CNTNAP3B: variants seen among roughly 807,000 people sequenced by gnomAD.
The protein encoded by CNTNAP3B is contactin-associated protein-like 3B.
A neutral mutation model predicts 108.9 loss-of-function variants in CNTNAP3B; 25 were observed. That is an observed-to-expected ratio of 0.23 (90% CI 0.17 to 0.32). CNTNAP3B has a LOEUF of 0.32. Among genes scored for constraint, CNTNAP3B ranks in the 10% least tolerant of loss-of-function variants. CNTNAP3B has a pLI of 1.00. For synonymous variants in CNTNAP3B, 103 were observed against 473.4 expected (o/e 0.22, Z 10.16); for missense variants, 252 against 1,210.4 (o/e 0.21, Z 11.75).
intron 14 of CNTNAP3B, among the ~76,000 whole-genome samples, chr9:41,930,616 G>A (rs1310575303): frequency 2.6e-5 from 4 of 152,374 alleles, no homozygotes; most frequent in South Asian, 4.1e-4. Flanking sequence ...ATTGTCCTGG[G>A]AATTGAGGAC....
intron 3 of CNTNAP3B, among the ~76,000 whole-genome samples, chr9:42,075,238 G>C (rs1161319345): frequency 6.8e-6 from 1 of 146,780 alleles, no homozygotes; most frequent in Non-Finnish European, 1.5e-5. Flanking sequence ...ATTTTAACTT[G>C]ATTACCTCTG....
At chr9:42,128,276 A>T (rs1190561346) in intron 1 of CNTNAP3B, among the ~76,000 whole-genome samples, 1 of 140,228 alleles carries the variant, frequency 7.1e-6, no homozygotes, top group African/African-American at 2.8e-5. Flanking sequence ...TTCTAGAAAT[A>T]AAAGCTTCCT....
At chr9:42,117,080 A>AT (rs1158976023) in intron 1 of CNTNAP3B, among the ~76,000 whole-genome samples, 1 of 138,832 alleles carries the variant, frequency 7.2e-6, no homozygotes, top group African/African-American at 2.9e-5. Flanking sequence ...ATAATGGGAG[A>AT]TTTTAACACA....
chr9:41,923,701 G>A (rs1303612905), intron 16 of CNTNAP3B, among the ~76,000 whole-genome samples: 2 of 152,300 alleles, frequency 1.3e-5, no homozygotes, highest in African/African-American at 2.4e-5. Flanking sequence ...GGCTGAGGTT[G>A]CAGTGAGCCA....
intron 12 of CNTNAP3B, among the ~76,000 whole-genome samples, chr9:41,958,557 G>T (rs1287378239): frequency 6.6e-6 from 1 of 151,874 alleles, no homozygotes; most frequent in Admixed American, 6.6e-5. Flanking sequence ...CCTGTGATTA[G>T]GTCTGAGTCC....
intron 1 of CNTNAP3B, among the ~76,000 whole-genome samples, chr9:42,126,937 T>C (rs1226994977): frequency 7.2e-6 from 1 of 138,332 alleles, no homozygotes; most frequent in Non-Finnish European, 1.5e-5. Context: ...GGGTGGCCAA[T>C]GTGCTTCTGG....
rs1335128675 is a variant in CNTNAP3B at position 41,959,423 on chromosome 9, A to G, written c.1876+1350T>C. Among the ~76,000 whole-genome samples, 14 of 152,404 alleles carry G rather than the reference A, an allele frequency of 9.2e-5. No individual in the cohort carries two copies. In the South Asian group the frequency reaches 2.5e-3, roughly 27 times the overall value. ...GAGACCAGAGTTTAGTGATTCCCCT[A>G]CCATTAGCTAGATTTTGTCAGTAGA... On this transcript the variant is annotated intron_variant, in intron 12 of 23. Transcript: ENST00000377561.
chr9:41,990,887 C>T (rs889067884), intron 8 of CNTNAP3B, among the ~76,000 whole-genome samples: 1 of 139,334 alleles, frequency 7.2e-6, no homozygotes, highest in Non-Finnish European at 1.5e-5. Flanking sequence ...ATTTGCCCAA[C>T]AAAAACAGGC....
At position 42,115,026 on chromosome 9, in the gene CNTNAP3B, C is replaced by T. The variant is rs1282359397; in HGVS notation, c.86-10287G>A. Among the ~76,000 whole-genome samples, 3 of 136,120 alleles carry T rather than the reference C, an allele frequency of 2.2e-5. 1 individual carries two copies. Among genetic ancestry groups the T allele is most frequent in the Admixed American group, 2.2e-4 (3 of 13,678 alleles). The allele number at this position is 136,120 out of a possible 152,430, so 89.3% of individuals were successfully genotyped here. A position where few individuals can be genotyped will look rare whatever the true frequency, so the allele number is the denominator to read the frequency against. ...CCAAGATTGTGCCACTGCTCTCCAG[C>T]CTAGGTGACAGAGCAAGACTCCATA... On this transcript the variant is annotated intron_variant, in intron 1 of 23. Coordinates refer to ENST00000377561, the MANE Select transcript of CNTNAP3B (RefSeq NM_001201380.3).
intron 15 of CNTNAP3B, among the ~76,000 whole-genome samples, chr9:41,927,973 G>A (rs1313393581): frequency 1.4e-5 from 2 of 141,136 alleles, no homozygotes; most frequent in African/African-American, 5.4e-5. Context: ...AGTATTCAAA[G>A]CATAATAAAA....
At chr9:41,966,835 C>T (rs1384996387) in intron 10 of CNTNAP3B, among the ~76,000 whole-genome samples, 36 of 150,290 alleles carry the variant, frequency 2.4e-4, no homozygotes, top group African/African-American at 3.9e-4. Flanking sequence ...GGTGTGGTGG[C>T]GGGCGCCTGT....
At chr9:41,926,041 T>C (rs1333444304) in intron 15 of CNTNAP3B, among the ~76,000 whole-genome samples, 2 of 152,278 alleles carry the variant, frequency 1.3e-5, no homozygotes, top group Admixed American at 1.3e-4. Context: ...CACACACACA[T>C]ACACACACGC....
Position 41,987,115 on chromosome 9 carries a change from CGT to C in CNTNAP3B, c.1334-806_1334-805del, listed in dbSNP as rs1825721213. The stretch of plus-strand genomic sequence containing the variant: ...TTAGTTAAAATCTTTAACATATATT[CGT>C]GTGTTTCTGAATTAAATTATTATTA... On this transcript the variant is annotated intron_variant, in intron 8 of 23. Transcript: ENST00000377561. Among the ~76,000 whole-genome samples, 7 of 113,352 alleles carry C rather than the reference CGT, an allele frequency of 6.2e-5. No individual in the cohort carries two copies. The Admixed American group carries it at 6.8e-4, about 11-fold the overall frequency. The allele number at this position is 113,352 out of a possible 152,430, so 74.4% of individuals were successfully genotyped here.
intron 13 of CNTNAP3B, among the ~76,000 whole-genome samples, chr9:41,948,490 T>A (rs1270818566): frequency 6.8e-6 from 1 of 147,728 alleles, no homozygotes. Flanking sequence ...ATTCATTTTA[T>A]GTAGGCAGTA....
At position 42,034,182 on chromosome 9, in the gene CNTNAP3B, A is replaced by ATCTATCTATC. The variant is rs1387322077; in HGVS notation, c.391-20658_391-20657insGATAGATAGA. 2.7e-4 allele frequency among the ~76,000 whole-genome samples: 17 copies of ATCTATCTATC among 61,950 alleles called. 2 individuals carry two copies. In the East Asian group the frequency reaches 5.7e-3, roughly 21 times the overall value. The allele number at this position is 61,950 out of a possible 152,430, so 40.6% of individuals were successfully genotyped here. On this transcript the variant is annotated intron_variant, in intron 3 of 23. Coordinates refer to ENST00000377561, the MANE Select transcript of CNTNAP3B (RefSeq NM_001201380.3). ...TATTTATCTATATGTATGTATGTAT[A>ATCTATCTATC]TATGTATCTATCTATCTATCTATCT...
chr9:41,926,354 G>A (rs1214532050), intron 15 of CNTNAP3B, among the ~76,000 whole-genome samples: 1 of 152,278 alleles, frequency 6.6e-6, no homozygotes, highest in Non-Finnish European at 1.5e-5. Flanking sequence ...TAAGTGTTAT[G>A]TTAAAGAAAA....
At chr9:42,014,531 C>T (rs1278276084) in intron 3 of CNTNAP3B, among the ~76,000 whole-genome samples, 2 of 119,746 alleles carry the variant, frequency 1.7e-5, no homozygotes, top group African/African-American at 3.3e-5. Flanking sequence ...TGGCTCACGC[C>T]TGTAATCCCA....
chr9:42,076,299 G>A (rs1456894750), intron 3 of CNTNAP3B, among the ~76,000 whole-genome samples: 1 of 126,206 alleles, frequency 7.9e-6, no homozygotes, highest in African/African-American at 3.3e-5. Flanking sequence ...GGTGGCACAT[G>A]CCTGTAGTCC....
chr9:41,982,365 GA>G (rs1231662764), intron 9 of CNTNAP3B, among the ~76,000 whole-genome samples: 920 of 91,572 alleles, frequency 0.01, 1 homozygote, highest in East Asian at 0.033. Context: ...TAACAAGAAA[GA>G]AAAAAAAACC....
Sources: allele counts gnomAD v4.1 joint callset (sites outside exome capture counted in the v4.1 genomes callset), GRCh38; gene constraint gnomAD v4.1.1; transcripts MANE v1.5; gene names NCBI Gene and HGNC (gene_info 2026-07-23, HGNC 2026-07-21).